KCNN3: variants seen among roughly 807,000 people sequenced by gnomAD.
KCNN3 encodes small conductance calcium-activated potassium channel protein 3.
Under a neutral mutation model 62.9 loss-of-function variants are expected in KCNN3, and 16 were observed. The ratio of observed to expected loss-of-function variants is 0.25; its 90% CI spans 0.17 to 0.39. The LOEUF (loss-of-function observed/expected upper bound fraction) is 0.39. Among genes scored for constraint, KCNN3 ranks in the 10% least tolerant of loss-of-function variants. KCNN3 has a pLI of 1.00. For missense variants in KCNN3, 599 were observed against 949.4 expected (o/e 0.63, Z 4.85); for synonymous variants, 370 against 389.2 (o/e 0.95, Z 0.58).
At chr1:154,817,910 C>CA (rs1014044759) in intron 2 of KCNN3, among the ~76,000 whole-genome samples, 16 of 152,106 alleles carry the variant, frequency 1.1e-4, no homozygotes, top group African/African-American at 3.9e-4. Context: ...TACTGGGGAG[C>CA]AAGAGGAGTT....
At chr1:154,823,566 G>A (rs1249874302) in intron 1 of KCNN3, among the ~76,000 whole-genome samples, 1 of 152,150 alleles carries the variant, frequency 6.6e-6, no homozygotes, top group Admixed American at 6.5e-5. Flanking sequence ...CCTCTGACTC[G>A]CAGTACAGAG....
intron 3 of KCNN3, among the ~76,000 whole-genome samples, chr1:154,754,251 G>A (rs982279800): frequency 6.6e-6 from 1 of 152,176 alleles, no homozygotes; most frequent in Non-Finnish European, 1.5e-5. Flanking sequence ...GTAAACTGGT[G>A]TAAGATGACA....
intron 2 of KCNN3, among the ~76,000 whole-genome samples, chr1:154,792,817 C>T (rs1399958168): frequency 6.6e-6 from 1 of 152,194 alleles, no homozygotes; most frequent in African/African-American, 2.4e-5. Context: ...CATGCTGTTT[C>T]CATTGAGCTG....
chr1:154,743,699 A>C (rs1700876343), intron 3 of KCNN3, among the ~76,000 whole-genome samples: 1 of 152,204 alleles, frequency 6.6e-6, no homozygotes, highest in Non-Finnish European at 1.5e-5. Flanking sequence ...CTCGCAGTTA[A>C]CCAGGTGATC....
chr1:154,781,746 T>C (rs1649061208), intron 2 of KCNN3, among the ~76,000 whole-genome samples: 1 of 152,208 alleles, frequency 6.6e-6, no homozygotes, highest in African/African-American at 2.4e-5. Flanking sequence ...ATTCATTCAT[T>C]GAGCATGAGT....
At chr1:154,806,185 C>T (rs1022874038) in intron 2 of KCNN3, among the ~76,000 whole-genome samples, 1 of 152,154 alleles carries the variant, frequency 6.6e-6, no homozygotes, top group African/African-American at 2.4e-5. Context: ...TTCCTGGTCA[C>T]CAGCTAAGAA....
chr1:154,834,316 C>A (rs933910318), intron 1 of KCNN3, among the ~76,000 whole-genome samples: 4 of 152,220 alleles, frequency 2.6e-5, no homozygotes, highest in Non-Finnish European at 5.9e-5. Flanking sequence ...CAACGTGGGC[C>A]ACCAGCCTGT....
chr1:154,706,486 T>C lies in KCNN3; in HGVS notation c.*1490A>G, dbSNP rs1353967203. On this transcript the variant is annotated 3_prime_UTR_variant, in exon 8 of 8. Coordinates refer to ENST00000271915, the MANE Select transcript of KCNN3 (RefSeq NM_002249.6). ...ACAAATGTTACGTGTGGTCAGATTATGGAGCAATGAAAACATTTTTCTGCG... is the reference window on the plus strand; with the variant it reads ...ACAAATGTTACGTGTGGTCAGATTACGGAGCAATGAAAACATTTTTCTGCG... 1 of 152,246 alleles carries C rather than the reference T, an allele frequency of 6.6e-6. No individual in the cohort carries two copies. Among genetic ancestry groups the C allele is most frequent in the Non-Finnish European group, 1.5e-5 (1 of 68,036 alleles). 9.4% of individuals were successfully genotyped at this position (152,246 alleles called of 1,614,324 possible).
Position 154,794,876 on chromosome 1 carries a change from GGCATACTCT to G in KCNN3, c.1030-22492_1030-22484del, listed in dbSNP as rs1419950390. On this transcript the variant is annotated intron_variant, in intron 2 of 7. Coordinates refer to ENST00000271915, the MANE Select transcript of KCNN3 (RefSeq NM_002249.6). ...TAGCGAGCCTGTCACACATTGACCA[GGCATACTCT>G]GAGGAGGCAGGGAGCTCGTTTTCAC... Among the ~76,000 whole-genome samples the G allele has an allele frequency of 4.6e-5, 7 of 152,308 alleles. No individual in the cohort carries two copies. In the East Asian group the frequency reaches 1.2e-3, roughly 25 times the overall value.
intron 1 of KCNN3, among the ~76,000 whole-genome samples, chr1:154,837,621 G>A (rs1483487493): frequency 6.6e-6 from 1 of 152,184 alleles, no homozygotes; most frequent in Admixed American, 6.5e-5. Flanking sequence ...CTGTTTCAAG[G>A]CGTCCTGCAG....
At chr1:154,755,742 CAAAG>C (rs1399573520) in intron 3 of KCNN3, among the ~76,000 whole-genome samples, 1 of 131,448 alleles carries the variant, frequency 7.6e-6, no homozygotes, top group African/African-American at 2.9e-5. Flanking sequence ...AAGAAGAAGG[CAAAG>C]AAGAAGAAGG....
At chr1:154,742,351 G>C (rs372669480) in intron 3 of KCNN3, among the ~76,000 whole-genome samples, 2 of 152,228 alleles carry the variant, frequency 1.3e-5, no homozygotes, top group African/African-American at 4.8e-5. Context: ...CTGGGGTATA[G>C]CTGAACCTAC....
chr1:154,725,863 G>T, intron 5 of KCNN3, 53 bp downstream of exon 5: 1 of 1,362,844 alleles, frequency 7.3e-7, no homozygotes, highest in Non-Finnish European at 1.0e-6. Flanking sequence ...TTTCTGATTG[G>T]CTTCCACTGT....
In KCNN3 at chr1:154,868,027, G is replaced by A. The variant is rs530728338; in HGVS notation, c.933+1005C>T. 4.7e-4 allele frequency: 466 copies of A among 985,388 alleles called. 8 individuals carry two copies. The South Asian group carries it at 0.019, about 40-fold the overall frequency. The allele number at this position is 985,388 out of a possible 1,614,324, so 61.0% of individuals were successfully genotyped here. On this transcript the variant is annotated intron_variant, in intron 1 of 7. Transcript: ENST00000271915. ...CTGGACTGAGAGGCTGGAGCAGTGG[G>A]GCCAGCTCCCCGCTAAAGCCAGTGC...
chr1:154,863,177 C>T (rs576646673), intron 1 of KCNN3, among the ~76,000 whole-genome samples: 1 of 152,166 alleles, frequency 6.6e-6, no homozygotes, highest in Non-Finnish European at 1.5e-5. Context: ...GCTGCTCCTC[C>T]CCTCCTTTCC....
intron 3 of KCNN3, among the ~76,000 whole-genome samples, chr1:154,738,577 A>C (rs1174818522): frequency 1.3e-5 from 2 of 152,200 alleles, no homozygotes; most frequent in East Asian, 3.9e-4. Context: ...GGGTGATGCT[A>C]CAGGGAGGCC....
At chr1:154,756,796 CCTTA>C (rs1351824545) in intron 3 of KCNN3, among the ~76,000 whole-genome samples, 2 of 152,196 alleles carry the variant, frequency 1.3e-5, no homozygotes, top group East Asian at 3.9e-4. Flanking sequence ...CTTTTTGTTT[CCTTA>C]CTTGTTACCT....
At chr1:154,845,940 C>A (rs971857063) in intron 1 of KCNN3, among the ~76,000 whole-genome samples, 1 of 152,216 alleles carries the variant, frequency 6.6e-6, no homozygotes, top group African/African-American at 2.4e-5. Flanking sequence ...CCCTACCAGC[C>A]CCCAAGCCCA....
chr1:154,817,324 A>G (rs1345292363), intron 2 of KCNN3, among the ~76,000 whole-genome samples: 1 of 152,246 alleles, frequency 6.6e-6, no homozygotes, highest in Non-Finnish European at 1.5e-5. Context: ...CCCAGGGATT[A>G]AATACCAGAG....
Sources: gnomAD v4.1 joint callset for allele counts (sites outside exome capture counted in the v4.1 genomes callset) on GRCh38, gnomAD v4.1.1 for gene constraint, MANE v1.5 for transcripts, NCBI Gene and HGNC (gene_info 2026-07-23, HGNC 2026-07-21) for gene names.